Variants in ZNF804A observed in about 807,000 individuals in gnomAD.
ZNF804A encodes zinc finger protein 804A.
Under a neutral mutation model 16.5 loss-of-function variants are expected in ZNF804A, and 2 were observed. That is an observed-to-expected ratio of 0.12 (90% CI 0.05 to 0.38). The LOEUF (loss-of-function observed/expected upper bound fraction) is 0.38. Ranked by LOEUF, ZNF804A falls within the 10% of genes least tolerant of loss-of-function variation. The pLI, the probability that ZNF804A is intolerant of heterozygous loss-of-function variation, is 0.99. For missense variants in ZNF804A, 1,473 were observed against 1,390.7 expected, an observed-to-expected ratio of 1.06 and a Z score of -0.94; for synonymous variants, 534 against 489.6, an observed-to-expected ratio of 1.09 and a Z score of -1.20.
chr2:184,783,138 GTTTTTTTT>G (rs57207733), intron 1 of ZNF804A, among the ~76,000 whole-genome samples: 20 of 86,106 alleles, frequency 2.3e-4, no homozygotes, highest in Non-Finnish European at 3.6e-4. Flanking sequence ...AAAAGAGTGA[GTTTTTTTT>G]TTTTTTTTTT....
intron 1 of ZNF804A, among the ~76,000 whole-genome samples, chr2:184,735,702 C>T (rs1425767743): frequency 6.6e-6 from 1 of 152,108 alleles, no homozygotes; most frequent in Non-Finnish European, 1.5e-5. Context: ...AGAAATTGCT[C>T]TTTAGCATGA....
chr2:184,770,167 T>C (rs1281022102), intron 1 of ZNF804A, among the ~76,000 whole-genome samples: 1 of 151,994 alleles, frequency 6.6e-6, no homozygotes, highest in Non-Finnish European at 1.5e-5. Context: ...TCCACCAAAC[T>C]TTCTTACTAA....
chr2:184,860,379 A>G (rs749174419), intron 1 of ZNF804A, among the ~76,000 whole-genome samples: 3 of 152,248 alleles, frequency 2.0e-5, no homozygotes, highest in Non-Finnish European at 2.9e-5. Flanking sequence ...CCAACTTGGC[A>G]TTAGGGCAGA....
chr2:184,883,030 A>G (rs1181044017), intron 2 of ZNF804A, among the ~76,000 whole-genome samples: 1 of 152,072 alleles, frequency 6.6e-6, no homozygotes, highest in East Asian at 1.9e-4. Flanking sequence ...AAGATAGATC[A>G]CTAGCTAGAC....
At chr2:184,730,108 T>A (rs1437128613) in intron 1 of ZNF804A, among the ~76,000 whole-genome samples, 2 of 152,292 alleles carry the variant, frequency 1.3e-5, no homozygotes, top group East Asian at 3.9e-4. Flanking sequence ...AAGATTCAGC[T>A]AAATCTCAGG....
At chr2:184,603,355 G>A (rs906761129) in intron 1 of ZNF804A, among the ~76,000 whole-genome samples, 2 of 152,096 alleles carry the variant, frequency 1.3e-5, no homozygotes, top group Non-Finnish European at 2.9e-5. Flanking sequence ...CACTCAGGAC[G>A]TTGTCATGTG....
rs1213808152 is a variant in ZNF804A, at chr2:184,939,201, T to C, written c.*175T>C. 2.9e-6 allele frequency: 2 copies of C among 682,406 alleles called. No homozygotes were observed. Among genetic ancestry groups the C allele is most frequent in the East Asian group, 2.7e-5 (1 of 36,534 alleles). 42.3% of individuals were successfully genotyped at this position (682,406 alleles called of 1,614,324 possible). ...CAATGATGCAAATAAATCCCTAAGT[T>C]TCTGATATATAATATTATTAAAGCA... is the stretch of plus-strand genomic sequence containing the variant. On this transcript the variant is annotated 3_prime_UTR_variant, in exon 4 of 4. Coordinates refer to ENST00000302277, the MANE Select transcript of ZNF804A (RefSeq NM_194250.2).
At chr2:184,768,940 G>A (rs1165863934) in intron 1 of ZNF804A, among the ~76,000 whole-genome samples, 3 of 151,970 alleles carry the variant, frequency 2.0e-5, no homozygotes, top group African/African-American at 2.4e-5. Context: ...TTTTAACTGT[G>A]TGCATATAAC....
chr2:184,774,789 T>A (rs978340388), intron 1 of ZNF804A, among the ~76,000 whole-genome samples: 3 of 151,748 alleles, frequency 2.0e-5, no homozygotes, highest in Non-Finnish European at 4.4e-5. Flanking sequence ...CAAGTGAATA[T>A]GAAGATGTGA....
intron 1 of ZNF804A, among the ~76,000 whole-genome samples, chr2:184,758,046 T>C (rs1021348418): frequency 2.6e-5 from 4 of 152,006 alleles, no homozygotes; most frequent in African/African-American, 9.7e-5. Context: ...TGCTTAGCAT[T>C]GTGCAGGAAA....
chr2:184,655,167 T>G (rs527942496), intron 1 of ZNF804A, among the ~76,000 whole-genome samples: 2,919 of 152,344 alleles, frequency 0.019, 37 homozygotes, highest in Non-Finnish European at 0.03. Flanking sequence ...CCAGATTGTT[T>G]GCATTCTTTT....
Position 184,785,979 on chromosome 2 carries a change from T to C in ZNF804A, c.112-80390T>C, listed in dbSNP as rs543080140. Among the ~76,000 whole-genome samples the C allele has an allele frequency of 1.4e-4, 21 of 152,092 alleles. No individual in the cohort carries two copies. In the South Asian group the frequency reaches 4.1e-3, roughly 30 times the overall value. ...GATCAATACTTGTTACGTTGGGATG[T>C]AGCTGAGGTGAGAGGTAGATCTAGC... On this transcript the variant is annotated intron_variant, in intron 1 of 3. Transcript: ENST00000302277.
chr2:184,894,933 T>TC (rs66910922), intron 2 of ZNF804A, among the ~76,000 whole-genome samples: 6,495 of 151,968 alleles, frequency 0.043, 156 homozygotes, highest in South Asian at 0.07. Context: ...GACTTCGTGA[T>TC]CCCCCCACGT....
At chr2:184,811,038 T>C (rs1244227069) in intron 1 of ZNF804A, among the ~76,000 whole-genome samples, 1 of 152,162 alleles carries the variant, frequency 6.6e-6, no homozygotes, top group East Asian at 1.9e-4. Context: ...TAATAAGATA[T>C]TGGATGTACA....
At chr2:184,747,876 C>T (rs72901857) in intron 1 of ZNF804A, among the ~76,000 whole-genome samples, 7,822 of 151,342 alleles carry the variant, frequency 0.052, 261 homozygotes, top group Middle Eastern at 0.078. Context: ...CAATGTTTAA[C>T]TTACACTAAT....
intron 1 of ZNF804A, among the ~76,000 whole-genome samples, chr2:184,767,234 G>C (rs1348561094): frequency 1.3e-5 from 2 of 152,124 alleles, no homozygotes; most frequent in East Asian, 3.9e-4. Context: ...AGACATAATG[G>C]AGTATATGCA....
intron 1 of ZNF804A, among the ~76,000 whole-genome samples, chr2:184,632,926 G>A (rs762527885): frequency 6.6e-6 from 1 of 152,190 alleles, no homozygotes; most frequent in Non-Finnish European, 1.5e-5. Flanking sequence ...TCTGGGGACT[G>A]AATTCTTAGA....
chr2:184,906,591 A>G (rs1208410611), intron 2 of ZNF804A, among the ~76,000 whole-genome samples: 1 of 151,900 alleles, frequency 6.6e-6, no homozygotes, highest in Non-Finnish European at 1.5e-5. Context: ...ATGAGCCACC[A>G]TGCCTGGAAC....
At chr2:184,926,791 G>A (rs1342372480) in intron 2 of ZNF804A, among the ~76,000 whole-genome samples, 1 of 152,126 alleles carries the variant, frequency 6.6e-6, no homozygotes, top group Non-Finnish European at 1.5e-5. Flanking sequence ...TTGTTTTTAA[G>A]AAACTCTGAT....
Sources: gnomAD v4.1 joint callset for allele counts (sites outside exome capture counted in the v4.1 genomes callset) on GRCh38, gnomAD v4.1.1 for gene constraint, MANE v1.5 for transcripts, NCBI Gene and HGNC (gene_info 2026-07-23, HGNC 2026-07-21) for gene names.